The following AMOTL2 variants were observed in gnomAD, a reference collection of about 807,000 sequenced individuals.
The protein encoded by AMOTL2 is angiomotin-like protein 2.
A neutral mutation model predicts 78.4 loss-of-function variants in AMOTL2; 33 were observed. The observed-to-expected ratio is 0.42, with a 90% confidence interval of 0.32 to 0.56. The LOEUF (loss-of-function observed/expected upper bound fraction) is 0.56. AMOTL2 is among the 20% of genes least tolerant of loss of function. The pLI is 0.12. For synonymous variants in AMOTL2, 422 were observed against 428.8 expected (o/e 0.98, Z 0.20); for missense variants, 983 against 1,030.1 (o/e 0.95, Z 0.63).
intron 6 of AMOTL2, among the ~76,000 whole-genome samples, chr3:134,360,958 G>A (rs1465283950): frequency 1.3e-5 from 2 of 152,338 alleles, no homozygotes; most frequent in East Asian, 3.9e-4. Context: ...CGGACCACGT[G>A]AGGTCAGGGG....
At chr3:134,375,214 CTCTGTCCAGT>C, upstream of AMOTL2, 1 of 1,535,710 alleles carries the variant, frequency 6.5e-7, no homozygotes, top group Non-Finnish European at 8.7e-7. Context: ...CCGCCAGGCG[CTCTGTCCAGT>C]TCTTCCCCAA....
intron 1 of AMOTL2, chr3:134,373,844 G>A: frequency 2.0e-6 from 2 of 984,648 alleles, no homozygotes; most frequent in Non-Finnish European, 2.4e-6. Context: ...TGGACAGCAG[G>A]CTGCATTCTT....
In AMOTL2 at chr3:134,355,582, T is replaced by G. The variant is rs1559792083; in HGVS notation, c.*2123A>C. ...GCCATCTTTGGACACCCACTCCCAC[T>G]GTGGATAACCACAGCGTGTGGCCGA... On this transcript the variant is annotated 3_prime_UTR_variant, in exon 10 of 10. Coordinates refer to ENST00000249883, the MANE Select transcript of AMOTL2 (RefSeq NM_016201.4). Among the ~76,000 whole-genome samples, 1 of 152,220 alleles carries G rather than the reference T, an allele frequency of 6.6e-6. No individual in the cohort carries two copies. The highest frequency in any genetic ancestry group is 2.1e-4 in the South Asian group (1 of 4,836).
At chr3:134,375,066 A>AC, upstream of AMOTL2, 2 of 1,462,998 alleles carry the variant, frequency 1.4e-6, no homozygotes, top group Non-Finnish European at 1.8e-6. Flanking sequence ...CGCTGTTTTC[A>AC]CCCCCAGCGG....
chr3:134,373,831 G>A (rs1272931404), intron 1 of AMOTL2: 2 of 985,336 alleles, frequency 2.0e-6, no homozygotes, highest in Non-Finnish European at 2.4e-6. Flanking sequence ...GACGTCACCG[G>A]GCTGGACAGC....
At chr3:134,374,231 TC>T in intron 1 of AMOTL2, 110 bp downstream of exon 1, 7 of 985,338 alleles carry the variant, frequency 7.1e-6, no homozygotes, top group Non-Finnish European at 8.4e-6. Flanking sequence ...CGCTCGATCC[TC>T]GAGGCTCCGA....
At position 134,371,002 on chromosome 3, in the gene AMOTL2, G is replaced by C. The variant is rs367805943; in HGVS notation, c.432C>G (p.Asp144Glu). ...CATGCCTCAGCTCCCGCAGGGCCTC[G>C]TCCTGCCTCCGACTGCCTCCCGGGG... ...RGAPGGSRRQ[D>E]EALRELRHGH... The change falls in exon 2 of 10, where the codon GAC becomes GAG. Residue 144 changes from aspartate (D) to glutamate (E), a missense_variant. Coordinates refer to ENST00000249883, the MANE Select transcript of AMOTL2 (RefSeq NM_016201.4). The C allele has an allele frequency of 2.5e-6, 4 of 1,603,192 alleles. No individual in the cohort carries two copies. Among genetic ancestry groups the C allele is most frequent in the Middle Eastern group, 1.6e-4 (1 of 6,062 alleles).
At chr3:134,373,797 T>C (rs2017977395) in intron 1 of AMOTL2, 2 of 985,460 alleles carry the variant, frequency 2.0e-6, no homozygotes, top group Non-Finnish European at 2.4e-6. Context: ...CGAGCCCTCT[T>C]TGTTTTCCAA....
chr3:134,363,528 T>C (rs928267388), intron 5 of AMOTL2, among the ~76,000 whole-genome samples: 1 of 152,136 alleles, frequency 6.6e-6, no homozygotes, highest in Non-Finnish European at 1.5e-5. Context: ...ATCTTATAGC[T>C]GGAGAATCTG....
At chr3:134,357,887 TC>T in intron 9 of AMOTL2, 124 bp from the exon 10 acceptor site, 1 of 1,010,562 alleles carries the variant, frequency 9.9e-7, no homozygotes, top group East Asian at 2.4e-5. Flanking sequence ...CTGCCCAGGT[TC>T]CCAGAACTCG....
intron 1 of AMOTL2, chr3:134,373,430 G>A (rs1469763855): frequency 2.0e-6 from 2 of 980,556 alleles, no homozygotes; most frequent in African/African-American, 1.8e-5. Context: ...AATTTGTCCC[G>A]GCCAAGCCCC....
At position 134,370,829 on chromosome 3, in the gene AMOTL2, T is replaced by C; in HGVS notation, c.605A>G (p.Glu202Gly). Residue 202 changes from glutamate to glycine, a missense_variant, in exon 2 of 10, where the codon GAG becomes GGG. Physicochemically the swap from Glu to Gly is moderately conservative, Grantham distance 98. Transcript: ENST00000249883. ...TGGGGGTCCTCGGGACTCTGGGCCC[T>C]CAGCAGGGGGGCCCCTCAGTGGGGG... ...QGPPLRGPPA[E>G]GPESRGPPPQ... 6.3e-7 allele frequency: 1 copy of C among 1,586,606 alleles called. No individual in the cohort carries two copies. Among genetic ancestry groups the C allele is most frequent in the Non-Finnish European group, 8.6e-7 (1 of 1,165,008 alleles).
chr3:134,371,638 G>T, intron 1 of AMOTL2, 144 bp from the exon 2 acceptor site: 4 of 1,341,214 alleles, frequency 3.0e-6, no homozygotes, highest in Non-Finnish European at 3.9e-6. Context: ...CACAAGCCTG[G>T]GTTCAAGTAC....
At chr3:134,359,901 G>A (rs563231405) in intron 7 of AMOTL2, among the ~76,000 whole-genome samples, 16 of 152,332 alleles carry the variant, frequency 1.1e-4, no homozygotes, top group African/African-American at 3.8e-4. Flanking sequence ...AGAGTCTCCT[G>A]GGCAGACCAA....
chr3:134,374,418 A>C lies in AMOTL2; in HGVS notation c.-138T>G. On this transcript the variant is annotated 5_prime_UTR_variant, in exon 1 of 10. Transcript: ENST00000249883. ...GGCCCAGCTCAGCTCGGCGGCGAAG[A>C]TGTGTTCTCGGCCGTGGCGCCGACG... The C allele has an allele frequency of 1.0e-6, 1 of 984,930 alleles. No homozygotes were observed. Among genetic ancestry groups the C allele is most frequent in the African/African-American group, 1.7e-5 (1 of 57,144 alleles). 61.0% of individuals were successfully genotyped at this position (984,930 alleles called of 1,614,324 possible).
chr3:134,374,614 C>G (rs1306909075), upstream of AMOTL2: 4 of 985,330 alleles, frequency 4.1e-6, no homozygotes, highest in African/African-American at 1.7e-5. Context: ...GCTCCCTCCT[C>G]CCGGCCCCCG....
At position 134,370,781 on chromosome 3, in the gene AMOTL2, A is replaced by G; in HGVS notation, c.653T>C (p.Leu218Pro). 5 of 1,534,680 alleles carry G rather than the reference A, an allele frequency of 3.3e-6. No homozygotes were observed. Among genetic ancestry groups the G allele is most frequent in the Non-Finnish European group, 4.4e-6 (5 of 1,141,676 alleles). Residue 218 changes from leucine to proline, a missense_variant, in exon 2 of 10, where the codon CTA (leucine) becomes CCA (proline). Transcript: ENST00000249883. ...GACAGCAGTGGTGGTCTCATGAGCT[A>G]GTACAACATGAGGGTACTGAGGTGG... The part of the protein sequence containing the change: ...GPPPQYPHVV[L>P]AHETTTAVTD...
At chr3:134,364,596 C>T (rs1183850263) in intron 5 of AMOTL2, among the ~76,000 whole-genome samples, 9 of 152,092 alleles carry the variant, frequency 5.9e-5, no homozygotes, top group Non-Finnish European at 1.3e-4. Flanking sequence ...TCTCACCCCA[C>T]CCAGCCAGAA....
intron 2 of AMOTL2, among the ~76,000 whole-genome samples, chr3:134,370,077 T>A (rs1230436769): frequency 6.6e-6 from 1 of 152,120 alleles, no homozygotes. Context: ...CCCAGCAGCC[T>A]CTCCTGAGCC....
Sources: gnomAD v4.1 joint callset for allele counts (sites outside exome capture counted in the v4.1 genomes callset) on GRCh38, gnomAD v4.1.1 for gene constraint, MANE v1.5 for transcripts, NCBI Gene and HGNC (gene_info 2026-07-23, HGNC 2026-07-21) for gene names.